The following RARB variants were observed in gnomAD, a reference collection of about 807,000 sequenced individuals.
RARB encodes retinoic acid receptor beta, also known as HBV-activated protein.
RARB carries 17 observed loss-of-function variants against 51.9 expected under a neutral mutation model. That is an observed-to-expected ratio of 0.33 (90% confidence interval 0.22 to 0.49). The LOEUF (loss-of-function observed/expected upper bound fraction) is 0.49. RARB is among the 20% of genes least tolerant of loss of function. The pLI is 0.99. For missense variants in RARB, 369 were observed against 550.8 expected (o/e 0.67, Z 3.30); for synonymous variants, 215 against 195.4 (o/e 1.10, Z -0.84).
At chr3:25,129,467 T>C (rs1699911395) in intron 3 of RARB, among the ~76,000 whole-genome samples, 1 of 152,114 alleles carries the variant, frequency 6.6e-6, no homozygotes, top group African/African-American at 2.4e-5. Flanking sequence ...TGTATTGAAA[T>C]AACTTATCTC....
chr3:24,919,751 T>C (rs1056315686), intron 2 of RARB, among the ~76,000 whole-genome samples: 2 of 152,248 alleles, frequency 1.3e-5, no homozygotes, highest in Admixed American at 6.5e-5. Flanking sequence ...ATCTGACTTC[T>C]AATTTTATTT....
chr3:25,158,016 A>G (rs1168241443), intron 4 of RARB, among the ~76,000 whole-genome samples: 2 of 152,258 alleles, frequency 1.3e-5, no homozygotes, highest in Non-Finnish European at 2.9e-5. Context: ...AAAAGAATGC[A>G]CGTGTATAAA....
chr3:25,386,822 A>C (rs1043918592), intron 5 of RARB, among the ~76,000 whole-genome samples: 2 of 151,988 alleles, frequency 1.3e-5, no homozygotes, highest in African/African-American at 4.8e-5. Flanking sequence ...TGGGCTGCCA[A>C]CTCTTCTTAT....
At chr3:25,085,915 G>A (rs1233700861) in intron 3 of RARB, among the ~76,000 whole-genome samples, 1 of 152,190 alleles carries the variant, frequency 6.6e-6, no homozygotes, top group Non-Finnish European at 1.5e-5. Flanking sequence ...TAAATGTGAA[G>A]GAAGCTTGCT....
At chr3:24,930,877 G>A (rs190717640) in intron 2 of RARB, among the ~76,000 whole-genome samples, 1 of 152,188 alleles carries the variant, frequency 6.6e-6, no homozygotes, top group East Asian at 1.9e-4. Context: ...GCCAGGTGTG[G>A]TGGTGCCCAT....
At chr3:25,081,676 A>G (rs1699006857) in intron 3 of RARB, among the ~76,000 whole-genome samples, 1 of 103,384 alleles carries the variant, frequency 9.7e-6, no homozygotes, top group African/African-American at 3.8e-5. Flanking sequence ...CTTGTTGCCC[A>G]GGTTGGAGTG....
intron 3 of RARB, among the ~76,000 whole-genome samples, chr3:25,526,250 G>T (rs1027067699): frequency 1.3e-5 from 2 of 152,300 alleles, no homozygotes; most frequent in East Asian, 1.9e-4. Flanking sequence ...CTGGAATATA[G>T]TAAGTGAGGA....
At chr3:25,555,556 A>G (rs984418155) in intron 3 of RARB, 1 of 152,142 alleles carries the variant, frequency 6.6e-6, no homozygotes, top group Non-Finnish European at 1.5e-5. Flanking sequence ...TGTCAGGATT[A>G]AGTTTTAGTC....
chr3:25,179,180 T>A (rs1204866160), intron 5 of RARB, among the ~76,000 whole-genome samples: 1 of 152,178 alleles, frequency 6.6e-6, no homozygotes, highest in African/African-American at 2.4e-5. Flanking sequence ...TGAGTCTTAT[T>A]TCTATTTTTT....
intron 3 of RARB, among the ~76,000 whole-genome samples, chr3:25,552,228 A>G (rs1699879700): frequency 6.6e-6 from 1 of 152,174 alleles, no homozygotes; most frequent in African/African-American, 2.4e-5. Flanking sequence ...ATTTGGTCAA[A>G]AGATTATAGG....
intron 5 of RARB, among the ~76,000 whole-genome samples, chr3:25,260,245 T>C (rs1315011232): frequency 1.3e-5 from 2 of 152,246 alleles, no homozygotes; most frequent in African/African-American, 2.4e-5. Flanking sequence ...TTGCAAGGCT[T>C]TGTTCATAGA....
chr3:25,324,583 C>T lies in RARB; in HGVS notation c.179-136610C>T, dbSNP rs1210370860. Reference sequence around the variant, plus strand: ...CATGAATTACAAGCAAACTGCTACGCGGAAGTCAAGAACGACCGCACCTTT... The same window carrying T: ...CATGAATTACAAGCAAACTGCTACGTGGAAGTCAAGAACGACCGCACCTTT... On this transcript the variant is annotated intron_variant, in intron 5 of 11. Transcript: ENST00000383772. 3.6e-5 allele frequency: 6 copies of T among 166,716 alleles called. No homozygotes were observed. The East Asian group carries it at 5.5e-4, about 15-fold the overall frequency. 10.3% of individuals were successfully genotyped at this position (166,716 alleles called of 1,614,324 possible).
At chr3:25,439,980 G>A (rs189197270) in intron 1 of RARB, among the ~76,000 whole-genome samples, 70 of 152,234 alleles carry the variant, frequency 4.6e-4, no homozygotes, top group Non-Finnish European at 2.9e-5. Flanking sequence ...CACTGTACCT[G>A]CTGTGGAAGC....
intron 2 of RARB, among the ~76,000 whole-genome samples, chr3:24,871,435 C>G (rs943541433): frequency 1.3e-5 from 2 of 152,126 alleles, no homozygotes; most frequent in Admixed American, 6.6e-5. Context: ...TTAGGGCATT[C>G]CCTCGCTACC....
At chr3:25,131,023 T>TCA (rs1699944184) in intron 3 of RARB, among the ~76,000 whole-genome samples, 1 of 147,768 alleles carries the variant, frequency 6.8e-6, no homozygotes, top group African/African-American at 2.6e-5. Context: ...AATGAAATTA[T>TCA]ATATTTTATC....
chr3:25,407,140 T>A (rs1707431191), intron 5 of RARB, among the ~76,000 whole-genome samples: 1 of 152,228 alleles, frequency 6.6e-6, no homozygotes, highest in African/African-American at 2.4e-5. Context: ...TGTGCTTCTC[T>A]CTTCAAAATG....
chr3:24,900,119 T>C (rs1421012003), intron 2 of RARB, among the ~76,000 whole-genome samples: 2 of 152,206 alleles, frequency 1.3e-5, no homozygotes, highest in Non-Finnish European at 2.9e-5. Context: ...GCAGCAATAA[T>C]AGCAGCATTT....
At chr3:25,034,730 A>G (rs1023091381) in intron 2 of RARB, among the ~76,000 whole-genome samples, 4 of 152,188 alleles carry the variant, frequency 2.6e-5, no homozygotes, top group African/African-American at 9.7e-5. Context: ...GCCTACATAC[A>G]ATGTTTTGGC....
intron 2 of RARB, among the ~76,000 whole-genome samples, chr3:25,011,362 G>T (rs947830826): frequency 1.3e-5 from 2 of 152,118 alleles, no homozygotes; most frequent in Admixed American, 6.6e-5. Context: ...AAAACCTGAA[G>T]GAGGTGAGGG....
Sources: gnomAD v4.1 joint callset for allele counts (sites outside exome capture counted in the v4.1 genomes callset) on GRCh38, gnomAD v4.1.1 for gene constraint, MANE v1.5 for transcripts, NCBI Gene and HGNC (gene_info 2026-07-23, HGNC 2026-07-21) for gene names.